The following FCRL3 variants were observed in gnomAD, a reference collection of about 807,000 sequenced individuals.
FCRL3 encodes Fc receptor-like protein 3.
Under a neutral mutation model 75.0 loss-of-function variants are expected in FCRL3, and 89 were observed. The ratio of observed to expected loss-of-function variants is 1.19; its 90% CI spans 1.00 to 1.42. FCRL3 has a LOEUF of 1.42. Among genes scored for constraint, FCRL3 ranks in the 40% most tolerant of loss-of-function variants. The pLI is 0.00. For synonymous variants in FCRL3, 376 were observed against 348.5 expected (o/e 1.08, Z -0.88); for missense variants, 946 against 880.0 (o/e 1.07, Z -0.95).
In FCRL3 at chr1:157,680,918, G is replaced by A. The variant is rs1654796430; in HGVS notation, c.1957+63C>T. 6 of 1,459,776 alleles carry A rather than the reference G, an allele frequency of 4.1e-6. No homozygotes were observed. The African/African-American group carries it at 4.2e-5, about 10-fold the overall frequency. 90.4% of individuals were successfully genotyped at this position (1,459,776 alleles called of 1,614,324 possible). A position where few individuals can be genotyped will look rare whatever the true frequency, so the allele number is the denominator to read the frequency against. ...ATTTGTGACAGGGCCATGGGCTGTC[G>A]CTCAATCCCTCTTCCCTCCCTGGCT... On this transcript the variant is annotated intron_variant, in intron 12 of 14. Transcript: ENST00000368184.
chr1:157,676,991 G>A lies in FCRL3; in HGVS notation c.*1719C>T. 7.4e-7 allele frequency: 1 copy of A among 1,343,218 alleles called. No individual in the cohort carries two copies. The highest frequency in any genetic ancestry group is 9.6e-7 in the Non-Finnish European group (1 of 1,042,376). 83.2% of individuals were successfully genotyped at this position (1,343,218 alleles called of 1,614,324 possible). ...TATCACATAGAAGACAGAGACATTT[G>A]CCTCCTCCCTCTTCAAGGGACCTTA... On this transcript the variant is annotated 3_prime_UTR_variant, in exon 15 of 15. Coordinates refer to ENST00000368184, the MANE Select transcript of FCRL3 (RefSeq NM_052939.4).
In FCRL3 at chr1:157,695,546, G is replaced by A. The variant is rs1290192482; in HGVS notation, c.1194C>T (p.Asp398=). The A allele has an allele frequency of 2.5e-6, 4 of 1,614,002 alleles. No individual in the cohort carries two copies. The African/African-American group carries it at 5.3e-5, about 22-fold the overall frequency. ...GGGACTCACAGTGAAGCTCCAGCAGGTCCCCCACCACAGTGTGGGCCCTGG... is the reference window on the plus strand; with the variant it reads ...GGGACTCACAGTGAAGCTCCAGCAGATCCCCCACCACAGTGTGGGCCCTGG... ...RAPRAHTVVG[D]LLELHCESLR... Residue 398 remains aspartate (D), a synonymous_variant, in exon 8 of 15, where the codon GAC becomes GAT. Transcript: ENST00000368184.
intron 8 of FCRL3, among the ~76,000 whole-genome samples, chr1:157,692,914 A>C (rs975894906): frequency 1.3e-5 from 2 of 152,224 alleles, no homozygotes; most frequent in East Asian, 3.8e-4. Flanking sequence ...AAAAATTTAT[A>C]TCTGCACCTT....
chr1:157,676,830 G>A lies in FCRL3; in HGVS notation c.*1880C>T. On this transcript the variant is annotated 3_prime_UTR_variant, in exon 15 of 15. Transcript: ENST00000368184. Reference sequence around the variant, plus strand: ...TCCCTTAGAGAAAGTTCACTATAAGGCACAAAGGGGCTTGGCAAGGTAATT... The same window carrying A: ...TCCCTTAGAGAAAGTTCACTATAAGACACAAAGGGGCTTGGCAAGGTAATT... 6.5e-7 allele frequency: 1 copy of A among 1,546,102 alleles called. No individual in the cohort carries two copies. Among genetic ancestry groups the A allele is most frequent in the Non-Finnish European group, 8.7e-7 (1 of 1,145,094 alleles).
Position 157,679,830 on chromosome 1 carries a change from CAAAAAAAAAAAAAAAA to C in FCRL3, c.2026+856_2027-858del, listed in dbSNP as rs1166825112. Among the ~76,000 whole-genome samples, 10 of 49,904 alleles carry C rather than the reference CAAAAAAAAAAAAAAAA, an allele frequency of 2.0e-4. No homozygotes were observed. The South Asian group carries it at 1.0e-2, about 50-fold the overall frequency. The allele number at this position is 49,904 out of a possible 152,430, so 32.7% of individuals were successfully genotyped here. A position where few individuals can be genotyped will look rare whatever the true frequency, so the allele number is the denominator to read the frequency against. On this transcript the variant is annotated intron_variant, in intron 13 of 14. Coordinates refer to ENST00000368184, the MANE Select transcript of FCRL3 (RefSeq NM_052939.4). ...GGCGACAGAACGAGACCCCATCTCACAAAAAAAAAAAAAAAAAAAAAAAAAAAAAATGACAGAAACT... is the reference window on the plus strand; with the variant it reads ...GGCGACAGAACGAGACCCCATCTCACAAAAAAAAAAAAAATGACAGAAACT...
At chr1:157,680,172 T>C (rs772042223) in intron 13 of FCRL3, among the ~76,000 whole-genome samples, 2 of 152,084 alleles carry the variant, frequency 1.3e-5, no homozygotes, top group Non-Finnish European at 2.9e-5. Context: ...AAGAGTTCAG[T>C]ATGGCTAGAG....
intron 10 of FCRL3, among the ~76,000 whole-genome samples, chr1:157,687,628 T>C (rs949803390): frequency 4.0e-5 from 6 of 150,704 alleles, no homozygotes; most frequent in African/African-American, 1.5e-4. Context: ...ATCATGTCTT[T>C]TGCAGCAACA....
In FCRL3 at chr1:157,689,787, T is replaced by C; in HGVS notation, c.1810+11A>G. The C allele has an allele frequency of 6.2e-7, 1 of 1,614,138 alleles. No individual in the cohort carries two copies. Among genetic ancestry groups the C allele is most frequent in the Non-Finnish European group, 8.5e-7 (1 of 1,180,010 alleles). ...CAAAATCACATCACAAGGTAGGACC[T>C]AGACACCCACCTGGTTTCCTTCGGG... On this transcript the variant is annotated intron_variant, in intron 10 of 14. Coordinates refer to ENST00000368184, the MANE Select transcript of FCRL3 (RefSeq NM_052939.4).
chr1:157,678,895 A>T, intron 14 of FCRL3, 39 bp from the exon 15 acceptor site: 1 of 1,614,140 alleles, frequency 6.2e-7, no homozygotes, highest in Non-Finnish European at 8.5e-7. Context: ...ACCTAAATAC[A>T]GGAGAGGAAG....
In FCRL3 at chr1:157,698,560, G is replaced by A; in HGVS notation, c.122C>T (p.Ala41Val). 6.2e-7 allele frequency: 1 copy of A among 1,614,056 alleles called. No individual in the cohort carries two copies. The highest frequency in any genetic ancestry group is 8.5e-7 in the Non-Finnish European group (1 of 1,179,880). ...ATGTGATATGCTGCTGCATATGAGA[G>A]CCACTTTTTCTCCTTTGAAGGCTGT... The part of the protein sequence containing the change: ...WSTAFKGEKV[A>V]LICSSISHSL... The change falls in exon 4 of 15, where the codon GCT (alanine) becomes GTT (valine). Residue 41 changes from alanine to valine, a missense_variant. Coordinates refer to ENST00000368184, the MANE Select transcript of FCRL3 (RefSeq NM_052939.4).
intron 2 of FCRL3, 26 bp from the exon 3 acceptor site, chr1:157,699,738 C>A (rs373682433): frequency 1.1e-5 from 17 of 1,612,136 alleles, no homozygotes; most frequent in Non-Finnish European, 1.3e-5. Context: ...AAATGACAAT[C>A]AGACACTCTC....
At chr1:157,696,402 C>A in intron 6 of FCRL3, 75 bp from the exon 7 acceptor site, 1 of 1,527,834 alleles carries the variant, frequency 6.5e-7, no homozygotes, top group Middle Eastern at 1.9e-4. Flanking sequence ...CTGGAGCTAC[C>A]ATGAATAGGC....
In FCRL3 at chr1:157,677,601, TAGCTAGGAAAACATTA is replaced by T; in HGVS notation, c.*1093_*1108del. 1.0e-6 allele frequency: 1 copy of T among 985,328 alleles called. No homozygotes were observed. The highest frequency in any genetic ancestry group is 4.7e-5 in the South Asian group (1 of 21,288). 61.0% of individuals were successfully genotyped at this position (985,328 alleles called of 1,614,324 possible). Reference sequence around the variant, plus strand: ...CTGTGGAAAGAGTTTTTGATGGTGATAGCTAGGAAAACATTAAGCCAGATATTTTACACAAGTAAAT... The same window carrying T: ...CTGTGGAAAGAGTTTTTGATGGTGATAGCCAGATATTTTACACAAGTAAAT... On this transcript the variant is annotated 3_prime_UTR_variant, in exon 15 of 15. Coordinates refer to ENST00000368184, the MANE Select transcript of FCRL3 (RefSeq NM_052939.4).
At chr1:157,693,437 T>C (rs1655682037) in intron 8 of FCRL3, among the ~76,000 whole-genome samples, 1 of 152,130 alleles carries the variant, frequency 6.6e-6, no homozygotes, top group Non-Finnish European at 1.5e-5. Flanking sequence ...TATCATGGAA[T>C]TGAAAGAGCA....
Position 157,680,689 on chromosome 1 carries a change from A to T in FCRL3, c.2026+13T>A. 1 of 1,612,728 alleles carries T rather than the reference A, an allele frequency of 6.2e-7. No individual in the cohort carries two copies. The highest frequency in any genetic ancestry group is 8.5e-7 in the Non-Finnish European group (1 of 1,178,856). On this transcript the variant is annotated intron_variant, in intron 13 of 14. Coordinates refer to ENST00000368184, the MANE Select transcript of FCRL3 (RefSeq NM_052939.4). ...CTGCCACCTCACCTCTATTTGCCTGAAAGGCATCTTACCTGAGTTTTCTTT... is the reference window on the plus strand; with the variant it reads ...CTGCCACCTCACCTCTATTTGCCTGTAAGGCATCTTACCTGAGTTTTCTTT...
In FCRL3 at chr1:157,677,091, C is replaced by T; in HGVS notation, c.*1619G>A. The stretch of plus-strand genomic sequence containing the variant: ...TACGGGCAGGACATCATGCCCTGCA[C>T]TCAAAGGCCAGGATAAGGGTAACAG... On this transcript the variant is annotated 3_prime_UTR_variant, in exon 15 of 15. Coordinates refer to ENST00000368184, the MANE Select transcript of FCRL3 (RefSeq NM_052939.4). The T allele has an allele frequency of 9.0e-7, 1 of 1,114,164 alleles. No individual in the cohort carries two copies. The highest frequency in any genetic ancestry group is 1.1e-6 in the Non-Finnish European group (1 of 902,810). The allele number at this position is 1,114,164 out of a possible 1,614,324, so 69.0% of individuals were successfully genotyped here.
At position 157,681,015 on chromosome 1, in the gene FCRL3, TA is replaced by T; in HGVS notation, c.1922del (p.Leu641GlnfsTer13). On this transcript the variant is annotated frameshift_variant, in exon 12 of 15. Transcript: ENST00000368184. LOFTEE classifies it high-confidence loss of function. ...DPQEPTHSKP[L>X]APMELEPMYS... ...ACATTGGCTCCAGCTCCATTGGGGC[TA>T]GTGGTTTAGAGTGAGTGGGCTCTTG... 1 of 1,601,472 alleles carries T rather than the reference TA, an allele frequency of 6.2e-7. No individual in the cohort carries two copies. Among genetic ancestry groups the T allele is most frequent in the South Asian group, 1.1e-5 (1 of 88,542 alleles).
Position 157,690,319 on chromosome 1 carries a change from G to A in FCRL3, c.1626C>T (p.Tyr542=), listed in dbSNP as rs758117924. The A allele has an allele frequency of 1.2e-6, 2 of 1,614,126 alleles. No homozygotes were observed. The highest frequency in any genetic ancestry group is 1.7e-5 in the Admixed American group (1 of 60,016). Residue 542 remains tyrosine, a synonymous_variant, in exon 9 of 15, where the codon TAC becomes TAT. Coordinates refer to ENST00000368184, the MANE Select transcript of FCRL3 (RefSeq NM_052939.4). The part of the protein sequence containing the change: ...LSLTTEHSGN[Y]SCEADNGLGA... ...CCAGGCCATTGTCAGCCTCACATGA[G>A]TAGTTTCCAGAATGTTCTGTAGTCA...
At chr1:157,694,684 C>A (rs1364486257) in intron 8 of FCRL3, among the ~76,000 whole-genome samples, 4 of 152,068 alleles carry the variant, frequency 2.6e-5, no homozygotes, top group African/African-American at 9.7e-5. Flanking sequence ...ATGGGAAATA[C>A]GAGATGCCCT....
Sources: allele counts gnomAD v4.1 joint callset (sites outside exome capture counted in the v4.1 genomes callset), GRCh38; gene constraint gnomAD v4.1.1; transcripts MANE v1.5; gene names NCBI Gene and HGNC (gene_info 2026-07-23, HGNC 2026-07-21).